Variants in TYW5 observed in about 807,000 individuals in gnomAD.
TYW5 encodes the protein tRNA wybutosine-synthesizing protein 5.
A neutral mutation model predicts 44.4 loss-of-function variants in TYW5; 36 were observed. The observed-to-expected ratio is 0.81, with a 90% CI of 0.62 to 1.07. TYW5 has a LOEUF of 1.07. Ranked by LOEUF, TYW5 falls within the 50% of genes least tolerant of loss-of-function variation. TYW5 has a pLI of 0.00. For synonymous variants in TYW5, 121 were observed against 128.1 expected (o/e 0.94, Z 0.37); for missense variants, 354 against 365.7 (o/e 0.97, Z 0.26).
chr2:199,940,323 G>A (rs184114917), intron 3 of TYW5, among the ~76,000 whole-genome samples, 190 bp from the exon 4 acceptor site: 1 of 152,266 alleles, frequency 6.6e-6, no homozygotes, highest in African/African-American at 2.4e-5. Context: ...TAGGAAACAA[G>A]TCTTAAAATC....
chr2:199,954,216 C>G (rs561434689), intron 1 of TYW5, among the ~76,000 whole-genome samples: 1 of 151,958 alleles, frequency 6.6e-6, no homozygotes, highest in Non-Finnish European at 1.5e-5. Context: ...ATCCTCCGAC[C>G]TCAGCCTCCA....
At chr2:199,935,834 AAT>A in intron 7 of TYW5, 95 bp downstream of exon 7, 1 of 783,584 alleles carries the variant, frequency 1.3e-6, no homozygotes, top group Non-Finnish European at 2.2e-6. Flanking sequence ...ACATATAACA[AAT>A]ATATATTTGT....
chr2:199,938,803 T>C lies in TYW5; in HGVS notation c.486+130A>G, dbSNP rs2077441387. The C allele has an allele frequency of 3.1e-6, 3 of 969,864 alleles. No homozygotes were observed. The Admixed American group carries it at 8.9e-5, about 29-fold the overall frequency. The allele number at this position is 969,864 out of a possible 1,614,324, so 60.1% of individuals were successfully genotyped here. A position where few individuals can be genotyped will look rare whatever the true frequency, so the allele number is the denominator to read the frequency against. On this transcript the variant is annotated intron_variant, in intron 5 of 7. Coordinates refer to ENST00000354611, the MANE Select transcript of TYW5 (RefSeq NM_001039693.3). ...TATCACTGCTATGCACAGCACCTAT[T>C]TTCAAAAGTCATGTTTCAGCAAATT...
At chr2:199,946,298 A>G (rs948876031) in intron 2 of TYW5, 1 of 152,202 alleles carries the variant, frequency 6.6e-6, no homozygotes, top group African/African-American at 2.4e-5. Context: ...GCACGCAAGT[A>G]GTCATCAACA....
At chr2:199,954,276 A>AT (rs1221965767) in intron 1 of TYW5, among the ~76,000 whole-genome samples, 2 of 146,896 alleles carry the variant, frequency 1.4e-5, no homozygotes, top group Non-Finnish European at 3.0e-5. Flanking sequence ...TAATTTTTGT[A>AT]TTTTTTGTAC....
rs1392143813 is a variant in TYW5 at position 199,931,493 on chromosome 2, T to C, written c.*1574A>G. The C allele has an allele frequency of 2.0e-5, 3 of 152,190 alleles. No individual in the cohort carries two copies. The highest frequency in any genetic ancestry group is 4.4e-5 in the Non-Finnish European group (3 of 68,006). The allele number at this position is 152,190 out of a possible 1,614,324, so 9.4% of individuals were successfully genotyped here. ...TAAACTAAGGAGAGTTTTGTCTTTT[T>C]CCTTACTGAAGGACAAGGAATCAGT... On this transcript the variant is annotated 3_prime_UTR_variant, in exon 8 of 8. Transcript: ENST00000354611.
At chr2:199,943,912 G>C in intron 2 of TYW5, 78 bp from the exon 3 acceptor site, 2 of 1,002,090 alleles carry the variant, frequency 2.0e-6, no homozygotes, top group Admixed American at 2.7e-5. Context: ...ATACATAAAG[G>C]CTTGCTGGAG....
At chr2:199,933,570 T>C (rs2077396996) in intron 7 of TYW5, among the ~76,000 whole-genome samples, 1 of 152,208 alleles carries the variant, frequency 6.6e-6, no homozygotes, top group Non-Finnish European at 1.5e-5. Context: ...ATTTTTCCTT[T>C]AAACTTGAAA....
chr2:199,948,201 A>G, intron 2 of TYW5, 117 bp downstream of exon 2: 1 of 997,836 alleles, frequency 1.0e-6, no homozygotes, highest in East Asian at 2.6e-5. Context: ...TTCCATGATT[A>G]CATCAAACCA....
chr2:199,949,893 G>A (rs529704091), intron 1 of TYW5, among the ~76,000 whole-genome samples: 2 of 152,122 alleles, frequency 1.3e-5, no homozygotes, highest in Middle Eastern at 3.4e-3. Flanking sequence ...GGTATCTAGT[G>A]GTATAATTTT....
At chr2:199,942,319 C>T (rs12693903) in intron 3 of TYW5, 79,274 of 152,036 alleles carry the variant, frequency 0.52, 20,946 homozygotes, top group South Asian at 0.61. Flanking sequence ...CGCCCGCCTC[C>T]GCCTCCCAAT....
intron 2 of TYW5, chr2:199,945,309 T>C (rs2077495694): frequency 6.6e-6 from 1 of 152,216 alleles, no homozygotes; most frequent in Non-Finnish European, 1.5e-5. Context: ...TGCCGTTTCC[T>C]GCCTTATATC....
At position 199,932,858 on chromosome 2, in the gene TYW5, T is replaced by TA. The variant is rs2077390179; in HGVS notation, c.*208_*209insT. ...TTTTTAAGTCATTTTAAGTTGGACT[T>TA]TTAGTGGTCAGCATCTGAATGTTAA... On this transcript the variant is annotated 3_prime_UTR_variant, in exon 8 of 8. Coordinates refer to ENST00000354611, the MANE Select transcript of TYW5 (RefSeq NM_001039693.3). 1.8e-6 allele frequency: 1 copy of TA among 550,312 alleles called. No homozygotes were observed. Among genetic ancestry groups the TA allele is most frequent in the African/African-American group, 1.9e-5 (1 of 52,588 alleles). 34.1% of individuals were successfully genotyped at this position (550,312 alleles called of 1,614,324 possible).
intron 5 of TYW5, among the ~76,000 whole-genome samples, chr2:199,937,281 G>A (rs943143101): frequency 2.0e-5 from 3 of 151,864 alleles, no homozygotes; most frequent in Admixed American, 6.6e-5. Flanking sequence ...TCAAACTAGC[G>A]TTCCTCTGAC....
chr2:199,941,090 CA>C (rs1446149512), intron 3 of TYW5, among the ~76,000 whole-genome samples: 1 of 152,184 alleles, frequency 6.6e-6, no homozygotes, highest in East Asian at 1.9e-4. Context: ...GACAGGGACT[CA>C]TTCTGTCACC....
intron 5 of TYW5, among the ~76,000 whole-genome samples, chr2:199,937,506 T>TAA (rs879407692): frequency 7.2e-6 from 1 of 138,834 alleles, no homozygotes. Flanking sequence ...ATACTAAAAA[T>TAA]AAAAAAAAAA....
intron 2 of TYW5, chr2:199,948,084 T>C (rs1336405474): frequency 1.2e-5 from 5 of 404,654 alleles, no homozygotes; most frequent in South Asian, 2.8e-5. Flanking sequence ...GCAGTAAAAC[T>C]CTGTCTCAAA....
chr2:199,932,952 C>CT lies in TYW5; in HGVS notation c.*114dup, dbSNP rs552954826. 0.012 allele frequency: 14,687 copies of CT among 1,256,382 alleles called. 114 individuals carry two copies. Among genetic ancestry groups the CT allele is most frequent in the Middle Eastern group, 0.027 (140 of 5,098 alleles). 77.8% of individuals were successfully genotyped at this position (1,256,382 alleles called of 1,614,324 possible). On this transcript the variant is annotated 3_prime_UTR_variant, in exon 8 of 8. Transcript: ENST00000354611. ...TCAAGTAGAATCCACACAAACACCCCTTCGTACTTACATAATCTGTAAATC... is the reference window on the plus strand; with the variant it reads ...TCAAGTAGAATCCACACAAACACCCCTTTCGTACTTACATAATCTGTAAATC...
At chr2:199,944,116 C>G (rs1177216255) in intron 2 of TYW5, 1 of 256,178 alleles carries the variant, frequency 3.9e-6, no homozygotes, top group East Asian at 7.7e-5. Context: ...CAAGTTATGA[C>G]AGAAAAATGT....
Sources: gnomAD v4.1 joint callset for allele counts (sites outside exome capture counted in the v4.1 genomes callset) on GRCh38, gnomAD v4.1.1 for gene constraint, MANE v1.5 for transcripts, NCBI Gene and HGNC (gene_info 2026-07-23, HGNC 2026-07-21) for gene names.